The following SLC9A9 variants were observed in gnomAD, a reference collection of about 807,000 sequenced individuals.
SLC9A9 encodes the protein sodium/hydrogen exchanger 9.
In SLC9A9, 62 loss-of-function variants were observed where a neutral mutation model predicts 77.8. The ratio of observed to expected loss-of-function variants is 0.80; its 90% CI spans 0.65 to 0.98. The LOEUF (loss-of-function observed/expected upper bound fraction) is 0.98. SLC9A9 is among the 50% of genes least tolerant of loss of function. SLC9A9 has a pLI of 0.00. For missense variants in SLC9A9, 775 were observed against 774.9 expected, an observed-to-expected ratio of 1.00 and a Z score of 0.00; for synonymous variants, 320 against 283.5, an observed-to-expected ratio of 1.13 and a Z score of -1.29.
chr3:143,625,457 G>A (rs1362273977), intron 6 of SLC9A9, among the ~76,000 whole-genome samples: 5 of 152,076 alleles, frequency 3.3e-5, no homozygotes, highest in Non-Finnish European at 5.9e-5. Flanking sequence ...CAGAAATAAT[G>A]CCACATATCT....
chr3:143,751,623 C>T (rs767375867), intron 4 of SLC9A9, among the ~76,000 whole-genome samples: 1 of 152,126 alleles, frequency 6.6e-6, no homozygotes, highest in Non-Finnish European at 1.5e-5. Flanking sequence ...TACCTCCCAC[C>T]GCTTCTTTCC....
At chr3:143,336,272 CTT>C (rs2031920390) in intron 14 of SLC9A9, among the ~76,000 whole-genome samples, 1 of 152,056 alleles carries the variant, frequency 6.6e-6, no homozygotes. Flanking sequence ...AAATTGGAAT[CTT>C]TGTGCACTGT....
chr3:143,676,178 G>A (rs1446529345), intron 5 of SLC9A9, among the ~76,000 whole-genome samples: 2 of 152,144 alleles, frequency 1.3e-5, no homozygotes, highest in Non-Finnish European at 2.9e-5. Flanking sequence ...AGCCCAGGTG[G>A]TTATGCTGGC....
At chr3:143,735,597 A>G (rs2108813116) in intron 4 of SLC9A9, among the ~76,000 whole-genome samples, 1 of 152,370 alleles carries the variant, frequency 6.6e-6, no homozygotes, top group Admixed American at 6.5e-5. Flanking sequence ...GCAATGAGCC[A>G]GATAAAAGCT....
chr3:143,542,870 A>G (rs889444264), intron 9 of SLC9A9, among the ~76,000 whole-genome samples: 6 of 152,202 alleles, frequency 3.9e-5, no homozygotes, highest in Non-Finnish European at 8.8e-5. Flanking sequence ...TATAGACCAC[A>G]ATATCCTAAG....
At chr3:143,617,674 G>A (rs1398020510) in intron 6 of SLC9A9, among the ~76,000 whole-genome samples, 2 of 152,184 alleles carry the variant, frequency 1.3e-5, no homozygotes, top group African/African-American at 4.8e-5. Flanking sequence ...AAAAGCAGCA[G>A]TTGCCTTAAG....
intron 14 of SLC9A9, among the ~76,000 whole-genome samples, chr3:143,290,349 G>A (rs2029900293): frequency 6.6e-6 from 1 of 152,184 alleles, no homozygotes; most frequent in African/African-American, 2.4e-5. Flanking sequence ...GACAGGGAAT[G>A]ACCAGTTTTT....
At chr3:143,714,275 G>T (rs1384608433) in intron 4 of SLC9A9, among the ~76,000 whole-genome samples, 1 of 152,136 alleles carries the variant, frequency 6.6e-6, no homozygotes, top group East Asian at 1.9e-4. Context: ...CCACCTGTAA[G>T]TCTGAACAAA....
rs539616783 is a variant in SLC9A9 at position 143,272,181 on chromosome 3, TTCAC to T, written c.1605-3205_1605-3202del. 3.3e-5 allele frequency among the ~76,000 whole-genome samples: 5 copies of T among 152,294 alleles called. No homozygotes were observed. The East Asian group carries it at 5.8e-4, about 18-fold the overall frequency. On this transcript the variant is annotated intron_variant, in intron 14 of 15. Coordinates refer to ENST00000316549, the MANE Select transcript of SLC9A9 (RefSeq NM_173653.4). ...AAGGTGATTTAAAAAACCGTTTTCTTTCACTCACTCATTCATTTGTTCCATCATA... is the reference window on the plus strand; with the variant it reads ...AAGGTGATTTAAAAAACCGTTTTCTTTCACTCATTCATTTGTTCCATCATA...
At chr3:143,343,556 A>G (rs1487016643) in intron 14 of SLC9A9, 1 of 152,152 alleles carries the variant, frequency 6.6e-6, no homozygotes, top group African/African-American at 2.4e-5. Context: ...AGGAGTCCCT[A>G]TTTTGTCCCC....
intron 4 of SLC9A9, among the ~76,000 whole-genome samples, chr3:143,709,214 G>A (rs1313096032): frequency 2.0e-5 from 3 of 152,100 alleles, no homozygotes; most frequent in African/African-American, 7.2e-5. Flanking sequence ...GAATCACATA[G>A]GGAGTTCAAA....
At chr3:143,751,607 C>T (rs1379379206) in intron 4 of SLC9A9, among the ~76,000 whole-genome samples, 3 of 152,106 alleles carry the variant, frequency 2.0e-5, no homozygotes, top group African/African-American at 7.2e-5. Context: ...TTCCTCTGCA[C>T]CCTCCTACCT....
At chr3:143,435,176 A>G (rs1464520704) in intron 12 of SLC9A9, among the ~76,000 whole-genome samples, 2 of 152,078 alleles carry the variant, frequency 1.3e-5, no homozygotes, top group Non-Finnish European at 2.9e-5. Flanking sequence ...TATTACAAAA[A>G]ATTGTATTTT....
At chr3:143,323,545 A>AAGAT (rs1481903270) in intron 14 of SLC9A9, among the ~76,000 whole-genome samples, 1 of 152,152 alleles carries the variant, frequency 6.6e-6, no homozygotes, top group Non-Finnish European at 1.5e-5. Flanking sequence ...GAGAGTGTAA[A>AAGAT]AGATAGATAA....
rs1451285067 is a variant in SLC9A9 at position 143,669,149 on chromosome 3, T to G, written c.650-16789A>C. ...ATTTTACTCCCTAGTTGCCTCACTC[T>G]TCCATGGTTTTGACCTCATCAACTT... On this transcript the variant is annotated intron_variant, in intron 5 of 15. Coordinates refer to ENST00000316549, the MANE Select transcript of SLC9A9 (RefSeq NM_173653.4). Among the ~76,000 whole-genome samples, 3 of 152,202 alleles carry G rather than the reference T, an allele frequency of 2.0e-5. No individual in the cohort carries two copies. The South Asian group carries it at 6.2e-4, about 31-fold the overall frequency.
chr3:143,559,985 C>T (rs189555802), intron 8 of SLC9A9, among the ~76,000 whole-genome samples: 17 of 152,314 alleles, frequency 1.1e-4, no homozygotes, highest in Middle Eastern at 3.4e-3. Flanking sequence ...CTTGCCTGTT[C>T]TTGTCACTCC....
At chr3:143,590,078 A>G (rs2037620587) in intron 6 of SLC9A9, among the ~76,000 whole-genome samples, 1 of 152,238 alleles carries the variant, frequency 6.6e-6, no homozygotes, top group African/African-American at 2.4e-5. Flanking sequence ...AATGGGTTTT[A>G]ATATGAAACT....
intron 11 of SLC9A9, among the ~76,000 whole-genome samples, chr3:143,487,505 A>G (rs2035673771): frequency 1.3e-5 from 2 of 151,914 alleles, no homozygotes; most frequent in African/African-American, 4.8e-5. Flanking sequence ...TTTCCAGGAT[A>G]GATCATACAT....
At chr3:143,563,422 T>C (rs2037119284) in intron 8 of SLC9A9, among the ~76,000 whole-genome samples, 1 of 152,206 alleles carries the variant, frequency 6.6e-6, no homozygotes. Context: ...GTAAATTATG[T>C]AAGAAAAAAC....
Sources: gnomAD v4.1 joint callset for allele counts (sites outside exome capture counted in the v4.1 genomes callset) on GRCh38, gnomAD v4.1.1 for gene constraint, MANE v1.5 for transcripts, NCBI Gene and HGNC (gene_info 2026-07-23, HGNC 2026-07-21) for gene names.